Variants in DSCAM observed in about 807,000 individuals in gnomAD.
The protein encoded by DSCAM is cell adhesion molecule DSCAM.
A neutral mutation model predicts 217.7 loss-of-function variants in DSCAM; 47 were observed. The observed-to-expected ratio is 0.22, with a 90% CI of 0.17 to 0.28. The LOEUF (loss-of-function observed/expected upper bound fraction) is 0.28. Among genes scored for constraint, DSCAM ranks in the 10% least tolerant of loss-of-function variants. The pLI is 1.00. For missense variants in DSCAM, 2,080 were observed against 2,618.3 expected (o/e 0.79, Z 4.49); for synonymous variants, 1,056 against 1,015.3 (o/e 1.04, Z -0.76).
intron 20 of DSCAM, among the ~76,000 whole-genome samples, chr21:40,095,831 G>A (rs2089668645): frequency 6.6e-6 from 1 of 152,178 alleles, no homozygotes; most frequent in Non-Finnish European, 1.5e-5. Context: ...TTGTATTATA[G>A]CGGTATTATA....
chr21:40,117,776 A>G (rs1028739499), intron 20 of DSCAM, among the ~76,000 whole-genome samples: 1 of 152,238 alleles, frequency 6.6e-6, no homozygotes, highest in Admixed American at 6.5e-5. Context: ...GTGGGTCACC[A>G]TAGGGCAAGT....
chr21:40,230,116 T>A (rs937784610), intron 11 of DSCAM, among the ~76,000 whole-genome samples: 1 of 152,232 alleles, frequency 6.6e-6, no homozygotes, highest in Non-Finnish European at 1.5e-5. Flanking sequence ...TCTATACTTG[T>A]CATCATATGT....
chr21:40,410,333 A>G (rs927369205), intron 3 of DSCAM, among the ~76,000 whole-genome samples: 3 of 152,258 alleles, frequency 2.0e-5, no homozygotes, highest in Middle Eastern at 3.4e-3. Flanking sequence ...AGAACCAGAT[A>G]AAAATGAACA....
At chr21:40,580,268 C>G (rs1423897058) in intron 3 of DSCAM, among the ~76,000 whole-genome samples, 3 of 151,902 alleles carry the variant, frequency 2.0e-5, no homozygotes, top group Non-Finnish European at 4.4e-5. Context: ...CGGGGTGGCT[C>G]ACGTCTGTAG....
intron 3 of DSCAM, among the ~76,000 whole-genome samples, chr21:40,620,059 GAAAGAAAGAGAGAAAGAGAAA>G (rs2089464780): frequency 1.2e-5 from 1 of 82,792 alleles, no homozygotes; most frequent in Non-Finnish European, 2.5e-5. Context: ...AAAAGAAAAA[GAAAGAAAGAGAGAAAGAGAAA>G]AAAGAAAGAG....
At chr21:40,031,382 A>G (rs182627760) in intron 32 of DSCAM, among the ~76,000 whole-genome samples, 40 of 152,290 alleles carry the variant, frequency 2.6e-4, no homozygotes, top group Non-Finnish European at 3.4e-4. Context: ...AAACACAAAT[A>G]TACGACACTC....
intron 3 of DSCAM, among the ~76,000 whole-genome samples, chr21:40,691,463 G>A (rs967825736): frequency 2.6e-5 from 4 of 152,104 alleles, no homozygotes; most frequent in South Asian, 2.1e-4. Flanking sequence ...CTTTGATTCC[G>A]AGCTTAGCCA....
At chr21:40,817,953 G>T (rs571388127) in intron 1 of DSCAM, among the ~76,000 whole-genome samples, 1 of 150,862 alleles carries the variant, frequency 6.6e-6, no homozygotes, top group South Asian at 2.1e-4. Context: ...AAAATTAGCC[G>T]GGCGCGGTGG....
At position 40,052,259 on chromosome 21, in the gene DSCAM, G is replaced by A. The variant is rs1167381019; in HGVS notation, c.5036-152C>T. On this transcript the variant is annotated intron_variant, in intron 29 of 32. Coordinates refer to ENST00000400454, the MANE Select transcript of DSCAM (RefSeq NM_001389.5). ...GTGACAAAAATGATTGAAAATTCAA[G>A]CACTGAATTAGCATTACTCTAGAGT... The A allele has an allele frequency of 5.6e-6, 5 of 891,556 alleles. No homozygotes were observed. The South Asian group carries it at 7.3e-5, about 13-fold the overall frequency. 55.2% of individuals were successfully genotyped at this position (891,556 alleles called of 1,614,324 possible). A position where few individuals can be genotyped will look rare whatever the true frequency, so the allele number is the denominator to read the frequency against.
At chr21:40,774,229 A>T (rs536945769) in intron 1 of DSCAM, among the ~76,000 whole-genome samples, 1 of 152,248 alleles carries the variant, frequency 6.6e-6, no homozygotes, top group Non-Finnish European at 1.5e-5. Flanking sequence ...ATGTAGAGTG[A>T]AAGAGCATAG....
chr21:40,277,337 T>A (rs1254638119), intron 10 of DSCAM, among the ~76,000 whole-genome samples: 1 of 152,106 alleles, frequency 6.6e-6, no homozygotes, highest in African/African-American at 2.4e-5. Context: ...AGACTTTGCA[T>A]CTGAGGACAG....
intron 16 of DSCAM, among the ~76,000 whole-genome samples, chr21:40,146,871 A>C (rs2837458): frequency 0.024 from 3,697 of 152,244 alleles, 163 homozygotes; most frequent in African/African-American, 0.083. Flanking sequence ...TCAAGATTCT[A>C]TGTTTTGAAA....
intron 15 of DSCAM, among the ~76,000 whole-genome samples, chr21:40,173,105 T>C (rs1273874946): frequency 6.6e-6 from 1 of 152,120 alleles, no homozygotes; most frequent in African/African-American, 2.4e-5. Context: ...CAGCAGTGAG[T>C]GAGCAGAACA....
chr21:40,236,196 T>C (rs1000032896), intron 11 of DSCAM, among the ~76,000 whole-genome samples: 3 of 152,202 alleles, frequency 2.0e-5, no homozygotes, highest in African/African-American at 7.2e-5. Flanking sequence ...TGTGTATAGG[T>C]AGCAGGTTGC....
At chr21:40,169,208 G>T (rs950802352) in intron 15 of DSCAM, among the ~76,000 whole-genome samples, 6 of 152,114 alleles carry the variant, frequency 3.9e-5, no homozygotes, top group Admixed American at 3.9e-4. Flanking sequence ...AGGCTTACTG[G>T]TTGAGGGAAG....
chr21:40,704,011 T>C (rs2090685219), intron 2 of DSCAM, among the ~76,000 whole-genome samples: 1 of 152,220 alleles, frequency 6.6e-6, no homozygotes, highest in Admixed American at 6.5e-5. Context: ...ATGTGATACA[T>C]TTGTGACAAT....
intron 3 of DSCAM, among the ~76,000 whole-genome samples, chr21:40,423,372 A>G (rs567617995): frequency 1.3e-5 from 2 of 152,152 alleles, no homozygotes; most frequent in East Asian, 3.9e-4. Flanking sequence ...GATTGAGAAC[A>G]TGTATGTAAA....
At chr21:40,729,702 T>C (rs1158490101) in intron 1 of DSCAM, among the ~76,000 whole-genome samples, 2 of 152,220 alleles carry the variant, frequency 1.3e-5, no homozygotes, top group Non-Finnish European at 2.9e-5. Context: ...CCTACTTTCA[T>C]ATACTTCTTC....
chr21:40,633,851 G>A (rs1199516482), intron 3 of DSCAM, among the ~76,000 whole-genome samples: 1 of 152,184 alleles, frequency 6.6e-6, no homozygotes, highest in Non-Finnish European at 1.5e-5. Flanking sequence ...GAAAACACAA[G>A]GTTGTCTTTT....
Sources: gnomAD v4.1 joint callset for allele counts (sites outside exome capture counted in the v4.1 genomes callset) on GRCh38, gnomAD v4.1.1 for gene constraint, MANE v1.5 for transcripts, NCBI Gene and HGNC (gene_info 2026-07-23, HGNC 2026-07-21) for gene names.